CDH13: variants seen among roughly 807,000 people sequenced by gnomAD.
CDH13 encodes cadherin 13.
In CDH13, 24 loss-of-function variants were observed where a neutral mutation model predicts 63.8. The observed-to-expected ratio is 0.38, with a 90% CI of 0.27 to 0.53. The LOEUF (loss-of-function observed/expected upper bound fraction) is 0.53. CDH13 is among the 20% of genes least tolerant of loss of function. The pLI, the probability that CDH13 is intolerant of heterozygous loss-of-function variation, is 0.85. For synonymous variants in CDH13, 503 were observed against 355.3 expected (o/e 1.42, Z -4.67); for missense variants, 1,049 against 903.1 (o/e 1.16, Z -2.07).
At chr16:83,014,882 TTG>T (rs1299816825) in intron 2 of CDH13, among the ~76,000 whole-genome samples, 1 of 130,296 alleles carries the variant, frequency 7.7e-6, no homozygotes, top group African/African-American at 2.8e-5. Context: ...ATATATATGT[TTG>T]TGTATATATA....
intron 5 of CDH13, among the ~76,000 whole-genome samples, 175 bp downstream of exon 5, chr16:83,217,672 G>T (rs1028537871): frequency 2.0e-5 from 3 of 152,116 alleles, no homozygotes; most frequent in Non-Finnish European, 4.4e-5. Context: ...GGCAACAGTG[G>T]GGGGTCTTTA....
chr16:83,068,041 A>C (rs1426362952), intron 3 of CDH13, among the ~76,000 whole-genome samples: 2 of 152,160 alleles, frequency 1.3e-5, no homozygotes, highest in Non-Finnish European at 2.9e-5. Context: ...CCTCTATTAG[A>C]TCCATATGAC....
intron 2 of CDH13, among the ~76,000 whole-genome samples, chr16:83,005,130 A>T (rs1418927123): frequency 6.6e-6 from 1 of 152,208 alleles, no homozygotes; most frequent in Non-Finnish European, 1.5e-5. Context: ...CAGGTACCTG[A>T]ATAAAACCCA....
chr16:83,176,706 G>A (rs2038138655), intron 4 of CDH13, among the ~76,000 whole-genome samples: 1 of 151,972 alleles, frequency 6.6e-6, no homozygotes, highest in Non-Finnish European at 1.5e-5. Context: ...TTAAAAGGGG[G>A]TTGGGGTGGG....
At chr16:83,066,114 C>G (rs927404756) in intron 3 of CDH13, among the ~76,000 whole-genome samples, 1 of 152,154 alleles carries the variant, frequency 6.6e-6, no homozygotes, top group Non-Finnish European at 1.5e-5. Context: ...ATAGTGACAG[C>G]TTAAAGATTC....
In CDH13 at chr16:83,213,153, C is replaced by G. The variant is rs57248376; in HGVS notation, c.484-4192C>G. Among the ~76,000 whole-genome samples, 571 of 152,274 alleles carry G rather than the reference C, an allele frequency of 3.7e-3. 3 individuals carry two copies. The highest frequency in any genetic ancestry group is 0.013 in the African/African-American group (544 of 41,548). The stretch of plus-strand genomic sequence containing the variant: ...GGGCCCTCACAATGGGGACTGGCTT[C>G]TTTCCTGGGGAATAAGTAATTTCAA... On this transcript the variant is annotated intron_variant, in intron 4 of 13. Coordinates refer to ENST00000567109, the MANE Select transcript of CDH13 (RefSeq NM_001257.5).
At chr16:82,808,664 T>C (rs2151175334) in intron 1 of CDH13, among the ~76,000 whole-genome samples, 1 of 152,280 alleles carries the variant, frequency 6.6e-6, no homozygotes, top group Non-Finnish European at 1.5e-5. Context: ...CTTCTAGTGT[T>C]TGATGAGCAC....
At chr16:83,635,726 C>T (rs947022678) in intron 8 of CDH13, among the ~76,000 whole-genome samples, 1 of 152,154 alleles carries the variant, frequency 6.6e-6, no homozygotes, top group Non-Finnish European at 1.5e-5. Context: ...GGAGATGTGG[C>T]TTGCAAATAT....
At chr16:83,469,082 A>C (rs1453143549) in intron 6 of CDH13, among the ~76,000 whole-genome samples, 1 of 152,026 alleles carries the variant, frequency 6.6e-6, no homozygotes, top group Non-Finnish European at 1.5e-5. Context: ...AATACTTTTT[A>C]GTTTTGCTGG....
chr16:82,999,884 C>T (rs988720563), intron 2 of CDH13, among the ~76,000 whole-genome samples: 3 of 151,960 alleles, frequency 2.0e-5, no homozygotes, highest in Admixed American at 2.0e-4. Context: ...GCTCTAAACC[C>T]GGGACAATTT....
chr16:83,098,820 G>A (rs908279972), intron 3 of CDH13, among the ~76,000 whole-genome samples: 1 of 151,974 alleles, frequency 6.6e-6, no homozygotes, highest in African/African-American at 2.4e-5. Context: ...ATTTGATTAT[G>A]ATAAGAAACA....
rs571437645 is a variant in CDH13 at position 82,695,236 on chromosome 16, C to A, written c.45+68099C>A. 1.3e-3 allele frequency among the ~76,000 whole-genome samples: 201 copies of A among 152,256 alleles called. 1 individual carries two copies. Among genetic ancestry groups the A allele is most frequent in the African/African-American group, 4.6e-3 (193 of 41,550 alleles). On this transcript the variant is annotated intron_variant, in intron 1 of 13. Transcript: ENST00000567109. ...GCTGTGAAGCATCAACAGGGAGATA[C>A]AGTATTTAGAGTATCTCAAAGTCTC...
At chr16:83,264,375 C>A (rs181425557) in intron 5 of CDH13, among the ~76,000 whole-genome samples, 1 of 152,032 alleles carries the variant, frequency 6.6e-6, no homozygotes, top group African/African-American at 2.4e-5. Context: ...TTTGGCCAAT[C>A]GCTTTTTGAA....
At chr16:83,587,118 G>T (rs1429682614) in intron 7 of CDH13, among the ~76,000 whole-genome samples, 1 of 152,114 alleles carries the variant, frequency 6.6e-6, no homozygotes, top group Non-Finnish European at 1.5e-5. Flanking sequence ...AAATGCATTT[G>T]ACTTAAGAGA....
chr16:83,019,682 T>C (rs1915157396), intron 2 of CDH13, among the ~76,000 whole-genome samples: 1 of 151,292 alleles, frequency 6.6e-6, no homozygotes, highest in South Asian at 2.1e-4. Flanking sequence ...GTTTTGTAGA[T>C]ATGGAGTCTT....
rs574836942 is a variant in CDH13 at position 82,689,737 on chromosome 16, C to T, written c.45+62600C>T. 2.4e-4 allele frequency among the ~76,000 whole-genome samples: 37 copies of T among 152,200 alleles called. No individual in the cohort carries two copies. The East Asian group carries it at 4.1e-3, about 17-fold the overall frequency. On this transcript the variant is annotated intron_variant, in intron 1 of 13. Transcript: ENST00000567109. ...CTCAGAGTGCCAGGCCTCACATTTACATTCTGGACAAACTGGGCTGTCTGC... is the reference window on the plus strand; with the variant it reads ...CTCAGAGTGCCAGGCCTCACATTTATATTCTGGACAAACTGGGCTGTCTGC...
intron 3 of CDH13, among the ~76,000 whole-genome samples, chr16:83,108,446 A>G (rs2151616373): frequency 6.6e-6 from 1 of 152,348 alleles, no homozygotes. Flanking sequence ...AACTCTCAGC[A>G]AAGCGAGAAA....
intron 3 of CDH13, among the ~76,000 whole-genome samples, chr16:83,087,917 T>C (rs2033693287): frequency 6.6e-6 from 1 of 152,130 alleles, no homozygotes; most frequent in Non-Finnish European, 1.5e-5. Flanking sequence ...AAGAAAATAG[T>C]GTGGCCTTTA....
At chr16:83,130,597 C>T (rs2036002302) in intron 4 of CDH13, among the ~76,000 whole-genome samples, 2 of 152,158 alleles carry the variant, frequency 1.3e-5, no homozygotes, top group Non-Finnish European at 2.9e-5. Flanking sequence ...AGTTGGTGAA[C>T]ATATGGGTAC....
Sources: allele counts gnomAD v4.1 joint callset (sites outside exome capture counted in the v4.1 genomes callset), GRCh38; gene constraint gnomAD v4.1.1; transcripts MANE v1.5; gene names NCBI Gene and HGNC (gene_info 2026-07-23, HGNC 2026-07-21).